Variants in LRP1B observed in about 807,000 individuals in gnomAD.
The protein encoded by LRP1B is LDL receptor related protein 1B.
A neutral mutation model predicts 556.6 loss-of-function variants in LRP1B; 217 were observed. That is an observed-to-expected ratio of 0.39 (90% confidence interval 0.35 to 0.44). The LOEUF is 0.44. LRP1B is among the 20% of genes least tolerant of loss of function. The probability of loss-of-function intolerance (pLI) is 1.00; values close to 1 mark genes in which losing one functional copy is unlikely to be tolerated. For missense variants in LRP1B, 5,053 were observed against 5,620.8 expected (o/e 0.90, Z 3.23); for synonymous variants, 2,047 against 1,865.8 (o/e 1.10, Z -2.50).
intron 71 of LRP1B, among the ~76,000 whole-genome samples, 195 bp downstream of exon 71, chr2:140,370,515 T>C (rs779595411): frequency 2.0e-5 from 3 of 152,100 alleles, no homozygotes; most frequent in East Asian, 3.9e-4. Flanking sequence ...CATGCCCAGA[T>C]TGGGATTATA....
chr2:140,844,463 A>C (rs781238916), intron 29 of LRP1B, among the ~76,000 whole-genome samples: 5 of 152,112 alleles, frequency 3.3e-5, no homozygotes, highest in African/African-American at 1.2e-4. Flanking sequence ...CTTTTTGACT[A>C]TCAATCACTA....
intron 73 of LRP1B, 29 bp downstream of exon 73, chr2:140,358,792 C>T: frequency 1.2e-6 from 2 of 1,602,758 alleles, no homozygotes; most frequent in Non-Finnish European, 8.5e-7. Context: ...ATAGCCATCA[C>T]TGAATTATTT....
chr2:140,758,725 A>G (rs1688821736), intron 35 of LRP1B, among the ~76,000 whole-genome samples: 1 of 152,080 alleles, frequency 6.6e-6, no homozygotes, highest in East Asian at 1.9e-4. Context: ...TGAGCCAGTG[A>G]GCTCAAAATA....
intron 3 of LRP1B, among the ~76,000 whole-genome samples, chr2:141,323,354 T>G (rs1389145649): frequency 1.3e-5 from 2 of 152,068 alleles, no homozygotes; most frequent in African/African-American, 4.8e-5. Flanking sequence ...GAAAGTCAGG[T>G]ATAAAATAAA....
chr2:140,373,932 T>C (rs1683107302), intron 68 of LRP1B, among the ~76,000 whole-genome samples: 1 of 152,198 alleles, frequency 6.6e-6, no homozygotes, highest in Admixed American at 6.5e-5. Context: ...TGGTGTTCTT[T>C]CTTTCTCCTC....
chr2:141,839,875 T>TA (rs1697408245), intron 1 of LRP1B, among the ~76,000 whole-genome samples: 1 of 152,146 alleles, frequency 6.6e-6, no homozygotes, highest in South Asian at 2.1e-4. Flanking sequence ...CCACAACTAA[T>TA]AAAATGTATC....
chr2:141,776,084 G>C (rs1695061166), intron 2 of LRP1B, among the ~76,000 whole-genome samples: 2 of 152,032 alleles, frequency 1.3e-5, no homozygotes, highest in Non-Finnish European at 2.9e-5. Flanking sequence ...CTGACCTCAT[G>C]ATCTGCCTGC....
At chr2:141,591,112 A>G (rs984732272) in intron 2 of LRP1B, among the ~76,000 whole-genome samples, 1 of 152,182 alleles carries the variant, frequency 6.6e-6, no homozygotes, top group African/African-American at 2.4e-5. Flanking sequence ...CAAGGCGATT[A>G]GCGAATTAAC....
chr2:140,318,458 T>A (rs1286642935), intron 82 of LRP1B, among the ~76,000 whole-genome samples: 14 of 152,092 alleles, frequency 9.2e-5, no homozygotes, highest in Admixed American at 9.2e-4. Flanking sequence ...ATAAGCAAGA[T>A]TCCTTCTTTC....
chr2:141,969,347 A>C (rs1282601290), intron 1 of LRP1B, among the ~76,000 whole-genome samples: 2 of 151,576 alleles, frequency 1.3e-5, no homozygotes, highest in Admixed American at 6.6e-5. Context: ...AAAAAATACA[A>C]AACTCATTTC....
chr2:142,009,741 G>A (rs558750531), intron 1 of LRP1B, among the ~76,000 whole-genome samples: 33 of 152,104 alleles, frequency 2.2e-4, no homozygotes, highest in Non-Finnish European at 3.7e-4. Flanking sequence ...GCATGCATGT[G>A]TATTTTATGT....
chr2:141,585,575 C>T (rs952775334), intron 2 of LRP1B, among the ~76,000 whole-genome samples: 5 of 151,858 alleles, frequency 3.3e-5, no homozygotes, highest in Non-Finnish European at 5.9e-5. Flanking sequence ...TTGCCATATA[C>T]GAGTTTACCT....
chr2:140,351,327 A>G (rs1256838786), intron 76 of LRP1B, among the ~76,000 whole-genome samples: 1 of 151,992 alleles, frequency 6.6e-6, no homozygotes, highest in Admixed American at 6.6e-5. Context: ...TTATTATTTG[A>G]TAAGTCACAA....
chr2:141,269,843 G>C (rs559068818), intron 3 of LRP1B, among the ~76,000 whole-genome samples: 2 of 151,970 alleles, frequency 1.3e-5, no homozygotes, highest in Non-Finnish European at 2.9e-5. Flanking sequence ...AGCAGACAAA[G>C]ACTTCAAATC....
chr2:140,683,860 G>T, intron 41 of LRP1B: 1 of 592,984 alleles, frequency 1.7e-6, no homozygotes, highest in Non-Finnish European at 3.0e-6. Flanking sequence ...CAGCTCCGCG[G>T]CCCCCTGCGC....
chr2:141,548,557 G>A (rs1284148115), intron 2 of LRP1B, among the ~76,000 whole-genome samples: 14 of 152,268 alleles, frequency 9.2e-5, no homozygotes. Context: ...GTTCTGCTGA[G>A]ATAACAAAAT....
chr2:140,834,942 AGCATATCTGGGAGCAAC>A (rs1369957159), intron 31 of LRP1B, among the ~76,000 whole-genome samples: 7 of 152,304 alleles, frequency 4.6e-5, no homozygotes, highest in African/African-American at 1.7e-4. Flanking sequence ...TTTTAAAATA[AGCATATCTGGGAGCAAC>A]GTATATTAAT....
At chr2:141,581,382 T>C (rs1270877303) in intron 2 of LRP1B, among the ~76,000 whole-genome samples, 1 of 152,198 alleles carries the variant, frequency 6.6e-6, no homozygotes, top group Non-Finnish European at 1.5e-5. Context: ...CTTTTTCTGA[T>C]ACATACAGAT....
intron 20 of LRP1B, among the ~76,000 whole-genome samples, chr2:140,940,178 C>T: frequency 6.6e-6 from 1 of 152,062 alleles, no homozygotes. Context: ...AGCCACCACG[C>T]CCAGCCTATT....
Sources: allele counts gnomAD v4.1 joint callset (sites outside exome capture counted in the v4.1 genomes callset), GRCh38; gene constraint gnomAD v4.1.1; transcripts MANE v1.5; gene names NCBI Gene and HGNC (gene_info 2026-07-23, HGNC 2026-07-21).